Variants in HDAC10 observed in about 807,000 individuals in gnomAD.
The protein encoded by HDAC10 is histone deacetylase 10.
HDAC10 carries 90 observed loss-of-function variants against 82.3 expected under a neutral mutation model. That is an observed-to-expected ratio of 1.09 (90% CI 0.92 to 1.30). HDAC10 has a LOEUF of 1.30. HDAC10 is among the 50% of genes most tolerant of loss of function. The probability of loss-of-function intolerance (pLI) is 0.00; values close to 1 mark genes in which losing one functional copy is unlikely to be tolerated. For missense variants in HDAC10, 934 were observed against 876.3 expected (o/e 1.07, Z -0.83); for synonymous variants, 456 against 391.7 (o/e 1.16, Z -1.94).
intron 17 of HDAC10, 41 bp from the exon 18 acceptor site, chr22:50,246,133 C>T (rs2064938527): frequency 1.3e-6 from 2 of 1,568,678 alleles, no homozygotes; most frequent in Non-Finnish European, 8.7e-7. Context: ...CTACGGACAC[C>T]TGCTGGCTCT....
Position 50,245,937 on chromosome 22 carries a change from C to A in HDAC10, c.1806G>T (p.Gly602=). 1 of 1,592,048 alleles carries A rather than the reference C, an allele frequency of 6.3e-7. No homozygotes were observed. The highest frequency in any genetic ancestry group is 1.3e-5 in the African/African-American group (1 of 74,542). Residue 602 remains glycine (G), a synonymous_variant, in exon 18 of 20, where the codon GGG becomes GGT. Transcript: ENST00000216271. ...CCTCCAGGAGGGCCAGGACTCGGCC[C>A]CCTGCCAGCCCCCGAAGCATTGCAG... ...LLAAMLRGLA[G]GRVLALLEEN... is the part of the protein sequence containing the mutation.
At chr22:50,247,001 C>A in intron 14 of HDAC10, 35 bp from the exon 15 acceptor site, 1 of 1,387,430 alleles carries the variant, frequency 7.2e-7, no homozygotes, top group Non-Finnish European at 1.0e-6. Context: ...AATGAGGCAC[C>A]AACCAACTCC....
chr22:50,246,099 G>A lies in HDAC10; in HGVS notation c.1651-7C>T, dbSNP rs1044850063. On this transcript the variant is annotated splice_region_variant and splice_polypyrimidine_tract_variant and intron_variant, in intron 17 of 19. Transcript: ENST00000216271. ...TCAGGAAACCACCGGTCATCTGTGG[G>A]GACAGCAGAGCCCAGCTCCTCATCT... is the stretch of plus-strand genomic sequence containing the variant. The A allele has an allele frequency of 1.3e-6, 2 of 1,597,202 alleles. No homozygotes were observed. Among genetic ancestry groups the A allele is most frequent in the African/African-American group, 2.7e-5 (2 of 74,532 alleles).
intron 14 of HDAC10, chr22:50,247,347 G>A: frequency 3.2e-6 from 1 of 315,968 alleles, no homozygotes; most frequent in Non-Finnish European, 5.8e-6. Context: ...TCTCTAGGCT[G>A]GTCTTGAACT....
rs554478535 is a variant in HDAC10, at chr22:50,247,679, C to T, written c.1422+13G>A. 174 of 1,552,722 alleles carry T rather than the reference C, an allele frequency of 1.1e-4. No homozygotes were observed. Among genetic ancestry groups the T allele is most frequent in the Non-Finnish European group, 1.5e-4 (170 of 1,142,588 alleles). On this transcript the variant is annotated intron_variant, in intron 14 of 19. Coordinates refer to ENST00000216271, the MANE Select transcript of HDAC10 (RefSeq NM_032019.6). ...GGTCCACAGCATCCCCAACCCCTCC[C>T]AGGTGCTCCCACCTGCCCATCCAGC...
rs370025223 is a variant in HDAC10, at chr22:50,248,336, C to G, written c.1013+30G>C. On this transcript the variant is annotated intron_variant, in intron 11 of 19. Transcript: ENST00000216271. This position sits in a 1 kb window ranked among gnomAD's most constrained non-coding sequence, Gnocchi z 5.4. ...AGTCGTGACACCTGGTCTCACACCC[C>G]GGCCCTGCCCGCCCTACCTCCCCTC... 6 of 1,611,266 alleles carry G rather than the reference C, an allele frequency of 3.7e-6. No individual in the cohort carries two copies. Among genetic ancestry groups the G allele is most frequent in the African/African-American group, 1.3e-5 (1 of 74,884 alleles).
intron 16 of HDAC10, 136 bp from the exon 17 acceptor site, chr22:50,246,512 C>T: frequency 9.8e-7 from 1 of 1,018,160 alleles, no homozygotes; most frequent in Non-Finnish European, 1.5e-6. Context: ...GCTGGAGACC[C>T]ACCTGGCATT....
chr22:50,247,980 A>G lies in HDAC10; in HGVS notation c.1247T>C (p.Leu416Pro). ...AACCAATGTGATATCCGGCGTTGTC[A>G]GGGCAACAGCGGTGCGGACAGAGGG... ...PAPSVRTAVALTTPDITLVLP... is the reference protein window; with the variant it reads ...PAPSVRTAVAPTTPDITLVLP... The change falls in exon 13 of 20, where the codon CTG becomes CCG. Residue 416 changes from leucine to proline, a missense_variant. Coordinates refer to ENST00000216271, the MANE Select transcript of HDAC10 (RefSeq NM_032019.6). 6 of 1,612,872 alleles carry G rather than the reference A, an allele frequency of 3.7e-6. No homozygotes were observed. The highest frequency in any genetic ancestry group is 5.1e-6 in the Non-Finnish European group (6 of 1,179,980).
At chr22:50,247,849 A>T (rs1299308567) in intron 13 of HDAC10, 41 bp downstream of exon 13, 1 of 1,612,654 alleles carries the variant, frequency 6.2e-7, no homozygotes, top group African/African-American at 1.3e-5. Flanking sequence ...GCACAGGTGT[A>T]GATGCGGCCC....
In HDAC10 at chr22:50,248,908, G is replaced by A; in HGVS notation, c.757-18C>T. 1.9e-6 allele frequency: 3 copies of A among 1,608,270 alleles called. No individual in the cohort carries two copies. The highest frequency in any genetic ancestry group is 2.2e-5 in the East Asian group (1 of 44,746). On this transcript the variant is annotated intron_variant, in intron 8 of 19. Transcript: ENST00000216271. The surrounding 1 kb of genome is among the most constrained non-coding windows in gnomAD (Gnocchi z 5.4). ...GGGTCAAACTACAGGCCAGGCCGGA[G>A]TGGGGAGGGTCGACAGAGAGGGGCT...
At chr22:50,247,866 TCTC>T (rs1348249192) in intron 13 of HDAC10, 21 bp downstream of exon 13, 1 of 1,611,654 alleles carries the variant, frequency 6.2e-7, no homozygotes, top group East Asian at 2.2e-5. Context: ...GCCCCATCCT[TCTC>T]CCCAGGCCAG....
At position 50,248,740 on chromosome 22, in the gene HDAC10, C is replaced by G. The variant is rs2065014869; in HGVS notation, c.828G>C (p.Gln276His). Residue 276 changes from glutamine to histidine, a missense_variant, in exon 10 of 20, where the codon CAG becomes CAC. Physicochemically the swap from Gln to His is conservative, Grantham distance 24. Transcript: ENST00000216271. This position sits in a 1 kb window ranked among gnomAD's most constrained non-coding sequence, Gnocchi z 5.4. ...SAIGDPEGQM[Q>H]ATPECFAHLT... ...GGTGGGCGAAGCACTCTGGCGTGGCCTGCATTTGCCCCTGGAACCAGAGCC... is the reference window on the plus strand; with the variant it reads ...GGTGGGCGAAGCACTCTGGCGTGGCGTGCATTTGCCCCTGGAACCAGAGCC... 6.3e-7 allele frequency: 1 copy of G among 1,579,932 alleles called. No individual in the cohort carries two copies. Among genetic ancestry groups the G allele is most frequent in the Non-Finnish European group, 8.6e-7 (1 of 1,163,014 alleles).
At position 50,248,479 on chromosome 22, in the gene HDAC10, G is replaced by A; in HGVS notation, c.907-7C>T. The A allele has an allele frequency of 1.9e-6, 3 of 1,602,650 alleles. No homozygotes were observed. Among genetic ancestry groups the A allele is most frequent in the Non-Finnish European group, 2.5e-6 (3 of 1,178,262 alleles). ...ACTCCAGGTGGTAGCCGCCCTGGGAGGAGGGTGGAGACATGATTGGGGCAG... is the reference window on the plus strand; with the variant it reads ...ACTCCAGGTGGTAGCCGCCCTGGGAAGAGGGTGGAGACATGATTGGGGCAG... On this transcript the variant is annotated splice_polypyrimidine_tract_variant and splice_region_variant and intron_variant, in intron 10 of 19. Coordinates refer to ENST00000216271, the MANE Select transcript of HDAC10 (RefSeq NM_032019.6). This position sits in a 1 kb window ranked among gnomAD's most constrained non-coding sequence, Gnocchi z 5.4.
rs1170385046 is a variant in HDAC10, at chr22:50,245,412, C to T, written c.*95G>A. The stretch of plus-strand genomic sequence containing the variant: ...TGGGCGGGGTTCCGTGCCCCAGAGT[C>T]GAGGGAGCCGTGGGCTTGGGGTCCG... On this transcript the variant is annotated 3_prime_UTR_variant, in exon 20 of 20. Coordinates refer to ENST00000216271, the MANE Select transcript of HDAC10 (RefSeq NM_032019.6). 1.5e-5 allele frequency: 11 copies of T among 710,956 alleles called. No individual in the cohort carries two copies. Among genetic ancestry groups the T allele is most frequent in the East Asian group, 1.1e-4 (4 of 37,464 alleles). The allele number at this position is 710,956 out of a possible 1,614,324, so 44.0% of individuals were successfully genotyped here.
chr22:50,245,613 C>T, intron 19 of HDAC10, 62 bp downstream of exon 19: 1 of 1,607,824 alleles, frequency 6.2e-7, no homozygotes, highest in Non-Finnish European at 8.5e-7. Context: ...CTGCCCTCCC[C>T]ACCGATCTGT....
chr22:50,249,797 C>G lies in HDAC10; in HGVS notation c.494+63G>C, dbSNP rs1875579075. 1 of 1,602,462 alleles carries G rather than the reference C, an allele frequency of 6.2e-7. No individual in the cohort carries two copies. Among genetic ancestry groups the G allele is most frequent in the Non-Finnish European group, 8.5e-7 (1 of 1,172,672 alleles). ...GAAGGTGCTGGCTGGGTTCTCTCGC[C>G]TCCTGCGCTGCCCCTTGCTGTGTGG... On this transcript the variant is annotated intron_variant, in intron 5 of 19. Transcript: ENST00000216271. The surrounding 1 kb of genome is among the most constrained non-coding windows in gnomAD (Gnocchi z 4.4).
chr22:50,250,148 A>G lies in HDAC10; in HGVS notation c.304T>C (p.Cys102Arg). The change falls in exon 4 of 20, where the codon TGC (cysteine) becomes CGC (arginine). Residue 102 changes from cysteine to arginine, a missense_variant. Physicochemically the swap from Cys to Arg is radical, Grantham distance 180. Coordinates refer to ENST00000216271, the MANE Select transcript of HDAC10 (RefSeq NM_032019.6). ...AIYFHPSTFHCARLAAGAGLQ... is the reference protein window; with the variant it reads ...AIYFHPSTFHRARLAAGAGLQ... ...CCAGCCCCTGCGGCCAGCCGCGCGC[A>G]GTGAAAGGTACTCTGTGGGCGCAGG... 6.2e-7 allele frequency: 1 copy of G among 1,612,282 alleles called. No individual in the cohort carries two copies. Among genetic ancestry groups the G allele is most frequent in the East Asian group, 2.2e-5 (1 of 44,870 alleles).
chr22:50,250,548 G>C, intron 2 of HDAC10, 25 bp from the exon 3 acceptor site: 7 of 1,582,880 alleles, frequency 4.4e-6, no homozygotes, highest in Non-Finnish European at 5.2e-6. Context: ...GCAGGCAGGA[G>C]AGGCAGGGTC....
rs738334 is a variant in HDAC10 at position 50,249,806 on chromosome 22, T to A, written c.494+54A>T. 1.3e-6 allele frequency: 2 copies of A among 1,599,576 alleles called. No individual in the cohort carries two copies. Among genetic ancestry groups the A allele is most frequent in the Non-Finnish European group, 1.7e-6 (2 of 1,170,226 alleles). ...GGCTGGGTTCTCTCGCCTCCTGCGCTGCCCCTTGCTGTGTGGCCTGGGCCC... is the reference window on the plus strand; with the variant it reads ...GGCTGGGTTCTCTCGCCTCCTGCGCAGCCCCTTGCTGTGTGGCCTGGGCCC... On this transcript the variant is annotated intron_variant, in intron 5 of 19. Transcript: ENST00000216271. This position sits in a 1 kb window ranked among gnomAD's most constrained non-coding sequence, Gnocchi z 4.4.
Sources: allele counts gnomAD v4.1 joint callset, GRCh38; gene constraint gnomAD v4.1.1; non-coding constraint Gnocchi (gnomAD v3.1); transcripts MANE v1.5; gene names NCBI Gene and HGNC (gene_info 2026-07-23, HGNC 2026-07-21).